The following UBXN11 variants were observed in gnomAD, a reference collection of about 807,000 sequenced individuals.
The protein encoded by UBXN11 is UBX domain protein 11, also known as UBX domain-containing protein 11.
UBXN11 carries 47 observed loss-of-function variants against 62.8 expected under a neutral mutation model. The observed-to-expected ratio is 0.75, with a 90% CI of 0.59 to 0.95. UBXN11 has a LOEUF of 0.95. Ranked by LOEUF, UBXN11 falls within the 40% of genes least tolerant of loss-of-function variation. The pLI, the probability that UBXN11 is intolerant of heterozygous loss-of-function variation, is 0.00. For missense variants in UBXN11, 638 were observed against 661.7 expected, an observed-to-expected ratio of 0.96 and a Z score of 0.39; for synonymous variants, 294 against 267.0, an observed-to-expected ratio of 1.10 and a Z score of -0.99.
chr1:26,285,159 G>A (rs2073097812), intron 10 of UBXN11: 1 of 1,155,100 alleles, frequency 8.7e-7, no homozygotes, highest in Admixed American at 4.3e-5. Flanking sequence ...GGGACAGCCG[G>A]GCCACTTCTG....
upstream of UBXN11, among the ~76,000 whole-genome samples, chr1:26,309,229 T>TTCTG (rs2073714494): frequency 7.9e-5 from 11 of 139,960 alleles, no homozygotes; most frequent in Non-Finnish European, 7.6e-5. Flanking sequence ...CACTGCGCCC[T>TTCTG]GTCCCGAGTC....
chr1:26,294,180 G>A (rs751278301), intron 8 of UBXN11, 25 bp downstream of exon 8: 58 of 1,612,694 alleles, frequency 3.6e-5, no homozygotes, highest in Non-Finnish European at 4.7e-5. Flanking sequence ...TTTGAAGAGG[G>A]CCTGGGGCAG....
chr1:26,296,785 A>G, intron 7 of UBXN11, 134 bp downstream of exon 7: 2 of 926,862 alleles, frequency 2.2e-6, no homozygotes, highest in Non-Finnish European at 1.6e-6. Flanking sequence ...AGGGAAATGC[A>G]GGGCAGGGTC....
chr1:26,289,589 G>A (rs2073210384), intron 8 of UBXN11, among the ~76,000 whole-genome samples: 1 of 152,174 alleles, frequency 6.6e-6, no homozygotes, highest in Non-Finnish European at 1.5e-5. Flanking sequence ...GAGCACCCGT[G>A]CTCTGCTAGG....
chr1:26,308,321 C>T (rs2073704286), upstream of UBXN11, among the ~76,000 whole-genome samples: 1 of 151,094 alleles, frequency 6.6e-6, no homozygotes, highest in African/African-American at 2.4e-5. Flanking sequence ...AGAAAACAAG[C>T]TCAGGGTAGT....
In UBXN11 at chr1:26,302,793, C is replaced by T. The variant is rs1278410746; in HGVS notation, c.71+20G>A. ...GATACAGAGGCGGGGACAGAAAGAC[C>T]CCTGAGGCTGGCTCCTTACCCAGGA... is the stretch of plus-strand genomic sequence containing the variant. On this transcript the variant is annotated intron_variant, in intron 2 of 14. Transcript: ENST00000374222. 1.1e-5 allele frequency: 18 copies of T among 1,609,800 alleles called. No homozygotes were observed. Among genetic ancestry groups the T allele is most frequent in the Non-Finnish European group, 1.5e-5 (18 of 1,177,318 alleles).
chr1:26,296,784 C>T (rs534044067), intron 7 of UBXN11, 135 bp downstream of exon 7: 43 of 921,716 alleles, frequency 4.7e-5, no homozygotes, highest in Non-Finnish European at 5.2e-5. Context: ...TAGGGAAATG[C>T]AGGGCAGGGT....
chr1:26,317,526 C>G (rs1217198472), intron 1 of UBXN11, among the ~76,000 whole-genome samples: 1 of 152,212 alleles, frequency 6.6e-6, no homozygotes, highest in Non-Finnish European at 1.5e-5. Flanking sequence ...TATACCCTGC[C>G]CCAATCTTCT....
chr1:26,286,899 A>G (rs1360062229), intron 8 of UBXN11, among the ~76,000 whole-genome samples: 1 of 152,088 alleles, frequency 6.6e-6, no homozygotes, highest in Non-Finnish European at 1.5e-5. Flanking sequence ...GGGTTTCATC[A>G]TATTGGTCAG....
intron 7 of UBXN11, among the ~76,000 whole-genome samples, chr1:26,295,568 C>T (rs921688517): frequency 1.1e-4 from 17 of 152,168 alleles, no homozygotes; most frequent in Admixed American, 9.8e-4. Context: ...ACACAGCCAC[C>T]GACCGCAAGC....
At chr1:26,315,919 C>A (rs2073786077) in intron 1 of UBXN11, among the ~76,000 whole-genome samples, 1 of 149,924 alleles carries the variant, frequency 6.7e-6, no homozygotes, top group African/African-American at 2.5e-5. Context: ...CTCGGCCTCC[C>A]AAAATGCTGG....
chr1:26,285,278 C>T, intron 10 of UBXN11, 186 bp downstream of exon 10: 1 of 1,380,156 alleles, frequency 7.2e-7, no homozygotes, highest in Non-Finnish European at 9.4e-7. Context: ...CTGCCTGCTG[C>T]TCTGTTTCGG....
At chr1:26,288,675 T>A (rs149502204) in intron 8 of UBXN11, among the ~76,000 whole-genome samples, 21 of 152,262 alleles carry the variant, frequency 1.4e-4, no homozygotes, top group African/African-American at 4.3e-4. Flanking sequence ...GAAAGGCACT[T>A]CCTCTTTGAG....
At chr1:26,299,231 C>T (rs930176072) in intron 4 of UBXN11, among the ~76,000 whole-genome samples, 2 of 152,008 alleles carry the variant, frequency 1.3e-5, no homozygotes, top group Non-Finnish European at 2.9e-5. Context: ...AAGCTGAGGG[C>T]CTGGGTGCAG....
At chr1:26,305,922 T>C (rs2073656233) in intron 1 of UBXN11, among the ~76,000 whole-genome samples, 1 of 152,194 alleles carries the variant, frequency 6.6e-6, no homozygotes, top group Admixed American at 6.5e-5. Flanking sequence ...CTGGGGGCTG[T>C]CACATGGCTC....
upstream of UBXN11, among the ~76,000 whole-genome samples, chr1:26,309,678 A>G (rs2073720949): frequency 6.6e-6 from 1 of 152,220 alleles, no homozygotes; most frequent in Admixed American, 6.5e-5. Context: ...GACCAGCATA[A>G]CTTAACAACT....
intron 2 of UBXN11, among the ~76,000 whole-genome samples, chr1:26,302,150 G>A (rs1338841658): frequency 1.3e-5 from 2 of 152,082 alleles, no homozygotes; most frequent in African/African-American, 4.8e-5. Context: ...AGATCACGAG[G>A]TCAGGAGATC....
intron 1 of UBXN11, among the ~76,000 whole-genome samples, chr1:26,314,828 A>T (rs575137640): frequency 1.3e-5 from 2 of 152,336 alleles, no homozygotes; most frequent in East Asian, 1.9e-4. Context: ...GGGAAAGTGG[A>T]AAGTTTCCCT....
intron 4 of UBXN11, among the ~76,000 whole-genome samples, chr1:26,299,157 G>T (rs1023854149): frequency 3.9e-5 from 6 of 152,158 alleles, no homozygotes; most frequent in Non-Finnish European, 7.4e-5. Context: ...ATGGAGTGCA[G>T]GTGAGCTCAC....
Sources: allele counts gnomAD v4.1 joint callset (sites outside exome capture counted in the v4.1 genomes callset), GRCh38; gene constraint gnomAD v4.1.1; transcripts MANE v1.5; gene names NCBI Gene and HGNC (gene_info 2026-07-23, HGNC 2026-07-21).